The following EYA4 variants were observed in gnomAD, a reference collection of about 807,000 sequenced individuals.
EYA4 encodes the protein EYA transcriptional coactivator and phosphatase 4.
EYA4 carries 31 observed loss-of-function variants against 87.9 expected under a neutral mutation model. The observed-to-expected ratio is 0.35, with a 90% CI of 0.27 to 0.48. EYA4 has a LOEUF of 0.48. EYA4 is among the 20% of genes least tolerant of loss of function. The pLI, the probability that EYA4 is intolerant of heterozygous loss-of-function variation, is 0.99. For synonymous variants in EYA4, 263 were observed against 270.6 expected, an observed-to-expected ratio of 0.97 and a Z score of 0.28; for missense variants, 678 against 761.4, an observed-to-expected ratio of 0.89 and a Z score of 1.29.
At chr6:133,441,946 A>G (rs1429978430) in intron 3 of EYA4, among the ~76,000 whole-genome samples, 1 of 151,900 alleles carries the variant, frequency 6.6e-6, no homozygotes, top group Non-Finnish European at 1.5e-5. Context: ...ATTTTTATAT[A>G]TATGTTATAT....
chr6:133,344,660 AT>A (rs1175553646), intron 2 of EYA4, among the ~76,000 whole-genome samples: 3 of 152,094 alleles, frequency 2.0e-5, no homozygotes, highest in African/African-American at 7.2e-5. Flanking sequence ...TATTATATAT[AT>A]TTTATACATT....
chr6:133,507,035 A>G (rs1262562322), intron 14 of EYA4, among the ~76,000 whole-genome samples: 1 of 152,054 alleles, frequency 6.6e-6, no homozygotes, highest in African/African-American at 2.4e-5. Flanking sequence ...TTTTTATCTC[A>G]TAGTTTCATA....
At chr6:133,394,283 T>TG (rs1562369076) in intron 3 of EYA4, among the ~76,000 whole-genome samples, 11 of 19,670 alleles carry the variant, frequency 5.6e-4, no homozygotes, top group Admixed American at 1.5e-3. Context: ...TATAAGCTTG[T>TG]GTTTTTTTTT....
intron 2 of EYA4, among the ~76,000 whole-genome samples, chr6:133,286,411 C>A (rs1343949220): frequency 6.6e-6 from 1 of 152,102 alleles, no homozygotes; most frequent in Non-Finnish European, 1.5e-5. Flanking sequence ...TTGTTGAAAT[C>A]TCCAAAAGAA....
Position 133,491,951 on chromosome 6 carries a change from C to CAAAAAAAAAAAAA in EYA4, c.1191+8844_1191+8856dup, listed in dbSNP as rs34316449. On this transcript the variant is annotated intron_variant, in intron 13 of 19. Coordinates refer to ENST00000355286, the MANE Select transcript of EYA4 (RefSeq NM_004100.5). The stretch of plus-strand genomic sequence containing the variant: ...TGGGGGACAGAGTGAAACTCCGTCT[C>CAAAAAAAAAAAAA]AAAAAAAAAAAAAAAAAAAAGAGGA... Among the ~76,000 whole-genome samples, 235 of 83,678 alleles carry CAAAAAAAAAAAAA rather than the reference C, an allele frequency of 2.8e-3. 2 individuals carry two copies. Among genetic ancestry groups the CAAAAAAAAAAAAA allele is most frequent in the African/African-American group, 0.011 (228 of 21,246 alleles). The allele number at this position is 83,678 out of a possible 152,430, so 54.9% of individuals were successfully genotyped here.
At chr6:133,253,650 A>AAAG (rs1775101765) in intron 1 of EYA4, among the ~76,000 whole-genome samples, 1 of 151,614 alleles carries the variant, frequency 6.6e-6, no homozygotes, top group African/African-American at 2.4e-5. Context: ...TACCTGGACA[A>AAAG]AATAATAATA....
rs778381205 is a variant in EYA4, at chr6:133,468,556, A to G, written c.805-10A>G. ...TCTTTCAAACACACACATCTCAATT[A>G]TTGTTTCAGGATTATCCATCCTATA... On this transcript the variant is annotated splice_polypyrimidine_tract_variant and intron_variant, in intron 10 of 19. Transcript: ENST00000355286. 8.1e-6 allele frequency: 13 copies of G among 1,600,586 alleles called. No homozygotes were observed. In the South Asian group the frequency reaches 9.9e-5, roughly 12 times the overall value.
intron 3 of EYA4, among the ~76,000 whole-genome samples, chr6:133,412,376 C>G (rs563536362): frequency 1.6e-3 from 245 of 152,250 alleles, no homozygotes; most frequent in Admixed American, 5.0e-3. Flanking sequence ...AATCCGTACC[C>G]AGAGAAGACA....
chr6:133,424,534 G>A (rs1384121008), intron 3 of EYA4, among the ~76,000 whole-genome samples: 1 of 152,172 alleles, frequency 6.6e-6, no homozygotes, highest in African/African-American at 2.4e-5. Context: ...TATAAGGATG[G>A]GGGTCCTTCC....
intron 1 of EYA4, among the ~76,000 whole-genome samples, chr6:133,243,603 G>T (rs1218926609): frequency 2.7e-5 from 4 of 149,030 alleles, no homozygotes; most frequent in Non-Finnish European, 5.9e-5. Context: ...GGAAGGGATT[G>T]TACTTGAATT....
At chr6:133,448,564 T>C (rs1254522440) in intron 5 of EYA4, among the ~76,000 whole-genome samples, 1 of 152,162 alleles carries the variant, frequency 6.6e-6, no homozygotes, top group African/African-American at 2.4e-5. Flanking sequence ...ACCCACAGAC[T>C]TTCATAATTT....
intron 3 of EYA4, among the ~76,000 whole-genome samples, chr6:133,445,269 TA>T (rs1464619900): frequency 1.1e-4 from 16 of 152,190 alleles, no homozygotes; most frequent in African/African-American, 3.4e-4. Context: ...AGTCCCTGTA[TA>T]CAGTGCAATT....
rs1554276919 is a variant in EYA4 at position 133,528,829 on chromosome 6, A to G, written c.*24A>G. On this transcript the variant is annotated 3_prime_UTR_variant, in exon 20 of 20. Coordinates refer to ENST00000355286, the MANE Select transcript of EYA4 (RefSeq NM_004100.5). ...AACTGTGTTCTTTAGCCGGAGATCC[A>G]TTTTTTATATTTCAAGTACACTGAA... 2 of 1,612,444 alleles carry G rather than the reference A, an allele frequency of 1.2e-6. No homozygotes were observed. Among genetic ancestry groups the G allele is most frequent in the Non-Finnish European group, 1.7e-6 (2 of 1,178,724 alleles).
At chr6:133,488,869 T>A (rs1196628595) in intron 13 of EYA4, among the ~76,000 whole-genome samples, 1 of 152,126 alleles carries the variant, frequency 6.6e-6, no homozygotes, top group Non-Finnish European at 1.5e-5. Flanking sequence ...CTGGTGGGCA[T>A]CCACAATCAT....
chr6:133,274,886 T>C (rs911536575), intron 2 of EYA4, 73 bp downstream of exon 2: 7 of 1,119,294 alleles, frequency 6.3e-6, no homozygotes, highest in South Asian at 2.6e-5. Flanking sequence ...AAAAGAGATA[T>C]ATTGTAAGAA....
chr6:133,358,192 G>A (rs1415269952), intron 2 of EYA4, among the ~76,000 whole-genome samples: 1 of 152,098 alleles, frequency 6.6e-6, no homozygotes, highest in Non-Finnish European at 1.5e-5. Flanking sequence ...AGTTTTTTTA[G>A]TGAGCCCTCT....
chr6:133,470,864 G>A (rs1476998843), intron 11 of EYA4, among the ~76,000 whole-genome samples: 2 of 86,972 alleles, frequency 2.3e-5, no homozygotes, highest in East Asian at 8.0e-4. Flanking sequence ...TTGTGAATGG[G>A]AGTTCACCCA....
At chr6:133,408,762 AGTCATGAT>A (rs536372696) in intron 3 of EYA4, among the ~76,000 whole-genome samples, 1 of 152,334 alleles carries the variant, frequency 6.6e-6, no homozygotes, top group East Asian at 1.9e-4. Flanking sequence ...AGTGAGTGTT[AGTCATGAT>A]GTCATGATTA....
At chr6:133,406,708 C>T (rs1213897153) in intron 3 of EYA4, among the ~76,000 whole-genome samples, 3 of 152,124 alleles carry the variant, frequency 2.0e-5, no homozygotes, top group African/African-American at 7.2e-5. Context: ...AAGCTGTTAA[C>T]AGGTTGTATA....
Sources: allele counts gnomAD v4.1 joint callset (sites outside exome capture counted in the v4.1 genomes callset), GRCh38; gene constraint gnomAD v4.1.1; transcripts MANE v1.5; gene names NCBI Gene and HGNC (gene_info 2026-07-23, HGNC 2026-07-21).